GALNT6: variants seen among roughly 807,000 people sequenced by gnomAD.
GALNT6 encodes GalNAc transferase 6.
Under a neutral mutation model 65.9 loss-of-function variants are expected in GALNT6, and 51 were observed. The ratio of observed to expected loss-of-function variants is 0.77; its 90% confidence interval spans 0.62 to 0.98. The LOEUF is 0.98. GALNT6 is among the 50% of genes least tolerant of loss of function. The pLI, the probability that GALNT6 is intolerant of heterozygous loss-of-function variation, is 0.00. For missense variants in GALNT6, 708 were observed against 803.3 expected (o/e 0.88, Z 1.43); for synonymous variants, 323 against 315.1 (o/e 1.02, Z -0.26).
At chr12:51,357,305 C>T in intron 10 of GALNT6, 44 bp downstream of exon 10, 2 of 1,238,254 alleles carry the variant, frequency 1.6e-6, no homozygotes, top group Non-Finnish European at 2.4e-6. Context: ...AGAAAAGGAG[C>T]CGGTGAGGAG....
At chr12:51,373,741 G>A (rs776457639) in intron 4 of GALNT6, among the ~76,000 whole-genome samples, 7 of 152,156 alleles carry the variant, frequency 4.6e-5, no homozygotes, top group Non-Finnish European at 1.0e-4. Context: ...AGAGATCACT[G>A]CCAAGCTCCT....
At chr12:51,368,962 G>A (rs577970732) in intron 4 of GALNT6, among the ~76,000 whole-genome samples, 6 of 152,172 alleles carry the variant, frequency 3.9e-5, no homozygotes, top group Non-Finnish European at 5.9e-5. Flanking sequence ...TCTGGGAAGG[G>A]AGGGGCCTGG....
chr12:51,356,149 CAT>C (rs958621391), intron 10 of GALNT6, among the ~76,000 whole-genome samples, 191 bp from the exon 11 acceptor site: 60 of 150,212 alleles, frequency 4.0e-4, no homozygotes, highest in South Asian at 1.7e-3. Context: ...ATTTTATATA[CAT>C]ATATATATAT....
chr12:51,367,253 G>A (rs1439360774), intron 4 of GALNT6, among the ~76,000 whole-genome samples: 1 of 151,670 alleles, frequency 6.6e-6, no homozygotes, highest in Non-Finnish European at 1.5e-5. Flanking sequence ...GCGAAACTCC[G>A]TCTCAAAAAA....
intron 10 of GALNT6, among the ~76,000 whole-genome samples, chr12:51,356,445 G>T (rs1301577011): frequency 7.2e-6 from 1 of 138,602 alleles, no homozygotes; most frequent in Non-Finnish European, 1.5e-5. Context: ...CTGCAACCTT[G>T]AATTCGTTTG....
intron 2 of GALNT6, among the ~76,000 whole-genome samples, chr12:51,389,699 GC>G (rs1947966584): frequency 6.6e-6 from 1 of 152,172 alleles, no homozygotes; most frequent in South Asian, 2.1e-4. Flanking sequence ...AGGGTTAGCT[GC>G]CCCTCCTGGT....
At chr12:51,373,923 AGT>A (rs1255794366) in intron 4 of GALNT6, among the ~76,000 whole-genome samples, 2 of 152,172 alleles carry the variant, frequency 1.3e-5, no homozygotes, top group Non-Finnish European at 2.9e-5. Flanking sequence ...ACAATGGTGC[AGT>A]CAAGGCTCAC....
rs1030169778 is a variant in GALNT6 at position 51,354,265 on chromosome 12, G to A, written c.*114C>T. 5.0e-6 allele frequency: 3 copies of A among 601,256 alleles called. No individual in the cohort carries two copies. Among genetic ancestry groups the A allele is most frequent in the Non-Finnish European group, 5.7e-6 (2 of 351,650 alleles). 37.2% of individuals were successfully genotyped at this position (601,256 alleles called of 1,614,324 possible). On this transcript the variant is annotated 3_prime_UTR_variant, in exon 12 of 12. Coordinates refer to ENST00000356317, the MANE Select transcript of GALNT6 (RefSeq NM_007210.4). ...AAGGTCCTGCCTTGCCACCCAGTGG[G>A]TTTAGAAATCCATCTTTACGGCCTC...
chr12:51,360,600 A>G (rs1161242215), intron 7 of GALNT6, 121 bp downstream of exon 7: 3 of 691,910 alleles, frequency 4.3e-6, no homozygotes, highest in Non-Finnish European at 8.0e-6. Context: ...ACTGGGAAAT[A>G]GCCACCCTTT....
Position 51,364,335 on chromosome 12 carries a change from GC to G in GALNT6, c.834del (p.Trp278CysfsTer17). 1 of 1,614,050 alleles carries G rather than the reference GC, an allele frequency of 6.2e-7. No homozygotes were observed. The highest frequency in any genetic ancestry group is 8.5e-7 in the Non-Finnish European group (1 of 1,179,892). ...GCGATTCGAGCCAGGAGGGGCTCCA[GC>G]CAGCCGTGGAAGCACTCACCTGCAG... is the stretch of plus-strand genomic sequence containing the variant. ...LDAHCECFHG[W>X]LEPLLARIAE... On this transcript the variant is annotated frameshift_variant, in exon 6 of 12. Transcript: ENST00000356317. LOFTEE classifies it high-confidence loss of function.
chr12:51,360,845 A>G lies in GALNT6; in HGVS notation c.1050-7T>C, dbSNP rs2241545. Reference sequence around the variant, plus strand: ...ACCAGCAAACGTCGGGGATCTGGAGAGACAGAGGGAGAAGTGTGTGCATCT... The same window carrying G: ...ACCAGCAAACGTCGGGGATCTGGAGGGACAGAGGGAGAAGTGTGTGCATCT... On this transcript the variant is annotated splice_region_variant and splice_polypyrimidine_tract_variant and intron_variant, in intron 6 of 11. Coordinates refer to ENST00000356317, the MANE Select transcript of GALNT6 (RefSeq NM_007210.4). 445,697 of 1,579,902 alleles carry G rather than the reference A, an allele frequency of 0.28. 73,332 individuals carry two copies. Among genetic ancestry groups the G allele is most frequent in the East Asian group, 0.74 (32,950 of 44,688 alleles).
intron 9 of GALNT6, among the ~76,000 whole-genome samples, chr12:51,357,814 C>G (rs1396267296): frequency 6.6e-6 from 1 of 152,162 alleles, no homozygotes; most frequent in East Asian, 1.9e-4. Flanking sequence ...GTGAGAAATG[C>G]AAGTTTTCAG....
At chr12:51,383,232 G>T (rs1277094768) in intron 2 of GALNT6, among the ~76,000 whole-genome samples, 2 of 152,098 alleles carry the variant, frequency 1.3e-5, no homozygotes, top group African/African-American at 2.4e-5. Flanking sequence ...AGGGGGATTT[G>T]CTTGAGCTAG....
In GALNT6 at chr12:51,351,862, A is replaced by T. The variant is rs1229509174; in HGVS notation, c.*2517T>A. 6.6e-6 allele frequency: 1 copy of T among 152,088 alleles called. No individual in the cohort carries two copies. The highest frequency in any genetic ancestry group is 2.1e-4 in the South Asian group (1 of 4,810). 9.4% of individuals were successfully genotyped at this position (152,088 alleles called of 1,614,324 possible). Reference sequence around the variant, plus strand: ...AGGGACAACACAGGTAAGAGAACACAACGCGAGTTTCCTTGACCAATGCCA... The same window carrying T: ...AGGGACAACACAGGTAAGAGAACACTACGCGAGTTTCCTTGACCAATGCCA... On this transcript the variant is annotated 3_prime_UTR_variant, in exon 12 of 12. Transcript: ENST00000356317.
Position 51,389,298 on chromosome 12 carries a change from T to A in GALNT6, c.-104+1552A>T, listed in dbSNP as rs557774419. ...GGGAGCCAGAAAATGTTAAGAAGAA[T>A]ACCATCACCATTTTAAATATTACTG... On this transcript the variant is annotated intron_variant, in intron 2 of 11. Transcript: ENST00000356317. Among the ~76,000 whole-genome samples, 10 of 152,298 alleles carry A rather than the reference T, an allele frequency of 6.6e-5. No homozygotes were observed. The South Asian group carries it at 1.7e-3, about 25-fold the overall frequency.
rs191984014 is a variant in GALNT6, at chr12:51,360,374, C to G, written c.1167+347G>C. 10 of 167,028 alleles carry G rather than the reference C, an allele frequency of 6.0e-5. No individual in the cohort carries two copies. In the East Asian group the frequency reaches 1.5e-3, roughly 25 times the overall value. The allele number at this position is 167,028 out of a possible 1,614,324, so 10.3% of individuals were successfully genotyped here. Reference sequence around the variant, plus strand: ...ACTCATCTGTTTTTTTTTTCTAGCCCTAGTTGTGAACATACTAACCTGTTT... The same window carrying G: ...ACTCATCTGTTTTTTTTTTCTAGCCGTAGTTGTGAACATACTAACCTGTTT... On this transcript the variant is annotated intron_variant, in intron 7 of 11. Transcript: ENST00000356317.
chr12:51,356,170 GTATATATATATGTGTGTATATA>G (rs1269303143), intron 10 of GALNT6, among the ~76,000 whole-genome samples: 3 of 146,768 alleles, frequency 2.0e-5, no homozygotes, highest in Non-Finnish European at 3.1e-5. Context: ...ATGTGTGTGT[GTATATATATATGTGTGTATATA>G]TATATGTATA....
intron 10 of GALNT6, among the ~76,000 whole-genome samples, chr12:51,356,360 T>C (rs1005349098): frequency 7.1e-6 from 1 of 141,844 alleles, no homozygotes; most frequent in Non-Finnish European, 1.5e-5. Context: ...TCTCTTTTTT[T>C]TTTTTTTTTT....
In GALNT6 at chr12:51,351,339, T is replaced by C. The variant is rs901522242; in HGVS notation, c.*3040A>G. The C allele has an allele frequency of 2.6e-5, 4 of 152,238 alleles. No individual in the cohort carries two copies. In the South Asian group the frequency reaches 6.2e-4, roughly 24 times the overall value. 9.4% of individuals were successfully genotyped at this position (152,238 alleles called of 1,614,324 possible). A position where few individuals can be genotyped will look rare whatever the true frequency, so the allele number is the denominator to read the frequency against. On this transcript the variant is annotated 3_prime_UTR_variant, in exon 12 of 12. Transcript: ENST00000356317. ...AGAGCTCCGTGAAGGCTAAAGTGCC[T>C]AGGGCCCCTGAAATTCATGATGTAA...
Sources: allele counts gnomAD v4.1 joint callset (sites outside exome capture counted in the v4.1 genomes callset), GRCh38; gene constraint gnomAD v4.1.1; transcripts MANE v1.5; gene names NCBI Gene and HGNC (gene_info 2026-07-23, HGNC 2026-07-21).